Variants in FSIP1 observed in about 807,000 individuals in gnomAD.
FSIP1 encodes the protein fibrous sheath-interacting protein 1.
In FSIP1, 65 loss-of-function variants were observed where a neutral mutation model predicts 60.9. The observed-to-expected ratio is 1.07, with a 90% CI of 0.87 to 1.31. The LOEUF is 1.31. Ranked by LOEUF, FSIP1 falls within the 40% of genes most tolerant of loss-of-function variation. FSIP1 has a pLI of 0.00. For synonymous variants in FSIP1, 209 were observed against 221.2 expected, an observed-to-expected ratio of 0.94 and a Z score of 0.49; for missense variants, 675 against 665.5, an observed-to-expected ratio of 1.01 and a Z score of -0.16.
chr15:39,775,780 G>A (rs1039260306), intron 2 of FSIP1, among the ~76,000 whole-genome samples: 1 of 152,080 alleles, frequency 6.6e-6, no homozygotes, highest in African/African-American at 2.4e-5. Flanking sequence ...ATGATTCTAA[G>A]TTTCCTGATG....
At chr15:39,637,670 G>A (rs1037831392) in intron 10 of FSIP1, among the ~76,000 whole-genome samples, 1 of 152,150 alleles carries the variant, frequency 6.6e-6, no homozygotes. Flanking sequence ...AGCCAAGGTG[G>A]CTGTGATACT....
intron 5 of FSIP1, among the ~76,000 whole-genome samples, chr15:39,751,766 T>C (rs1248698978): frequency 6.6e-6 from 1 of 151,972 alleles, no homozygotes; most frequent in African/African-American, 2.4e-5. Context: ...TAATTGATAA[T>C]AGTGTATTAC....
intron 10 of FSIP1, among the ~76,000 whole-genome samples, chr15:39,634,697 A>C (rs2140409075): frequency 6.6e-6 from 1 of 152,356 alleles, no homozygotes; most frequent in Non-Finnish European, 1.5e-5. Context: ...ACTTCTCAGA[A>C]CAAAATAAAG....
intron 9 of FSIP1, among the ~76,000 whole-genome samples, chr15:39,726,046 C>G (rs751021571): frequency 5.9e-5 from 9 of 152,156 alleles, no homozygotes; most frequent in Non-Finnish European, 1.3e-4. Flanking sequence ...CCCACCTTGG[C>G]CTCCCAAAGT....
At chr15:39,640,584 G>A (rs564312638) in intron 10 of FSIP1, among the ~76,000 whole-genome samples, 2 of 152,174 alleles carry the variant, frequency 1.3e-5, no homozygotes, top group African/African-American at 4.8e-5. Flanking sequence ...GAGTTCTGGG[G>A]TACGTGATAA....
intron 10 of FSIP1, among the ~76,000 whole-genome samples, chr15:39,621,780 T>A (rs1339018371): frequency 1.3e-5 from 2 of 152,146 alleles, no homozygotes; most frequent in African/African-American, 4.8e-5. Context: ...AAAATATAAG[T>A]AAGAGCAAAT....
At chr15:39,646,780 T>C (rs1173033439) in intron 10 of FSIP1, among the ~76,000 whole-genome samples, 2 of 152,082 alleles carry the variant, frequency 1.3e-5, no homozygotes, top group African/African-American at 2.4e-5. Flanking sequence ...TCCTTGTTCA[T>C]TGCAGCATTA....
rs2140356379 is a variant in FSIP1, at chr15:39,600,121, G to A, written c.*759C>T. 6.6e-6 allele frequency: 1 copy of A among 152,256 alleles called. No individual in the cohort carries two copies. Among genetic ancestry groups the A allele is most frequent in the South Asian group, 2.1e-4 (1 of 4,824 alleles). The allele number at this position is 152,256 out of a possible 1,614,324, so 9.4% of individuals were successfully genotyped here. The stretch of plus-strand genomic sequence containing the variant: ...AATAAACTGGACTTCCAATTCTAAT[G>A]CCAACTCATCTTATGGAATGTCAAC... On this transcript the variant is annotated 3_prime_UTR_variant, in exon 12 of 12. Transcript: ENST00000350221.
At chr15:39,651,718 T>C (rs1892878806) in intron 10 of FSIP1, among the ~76,000 whole-genome samples, 2 of 152,378 alleles carry the variant, frequency 1.3e-5, no homozygotes, top group South Asian at 4.1e-4. Flanking sequence ...AAGAATTCTA[T>C]TAAACCTCTG....
intron 10 of FSIP1, among the ~76,000 whole-genome samples, chr15:39,633,493 ACTT>A (rs1891997364): frequency 6.6e-6 from 1 of 152,170 alleles, no homozygotes; most frequent in Non-Finnish European, 1.5e-5. Flanking sequence ...AAGCCAGGTG[ACTT>A]CTTCATGACT....
chr15:39,682,481 C>T (rs1894205279), intron 10 of FSIP1, among the ~76,000 whole-genome samples: 1 of 152,216 alleles, frequency 6.6e-6, no homozygotes, highest in East Asian at 1.9e-4. Context: ...AGTGCAGGCA[C>T]AGCCCACGGC....
chr15:39,749,263 C>CAAAAA lies in FSIP1; in HGVS notation c.560-7368_560-7364dup, dbSNP rs3065148. Among the ~76,000 whole-genome samples the CAAAAA allele has an allele frequency of 4.3e-3, 418 of 98,322 alleles. 26 individuals are homozygous for CAAAAA. The highest frequency in any genetic ancestry group is 0.019 in the African/African-American group (408 of 21,492). 64.5% of individuals were successfully genotyped at this position (98,322 alleles called of 152,430 possible). A position where few individuals can be genotyped will look rare whatever the true frequency, so the allele number is the denominator to read the frequency against. ...AATACCAATACTTCTTAAACTCTTC[C>CAAAAA]AAAAAAAAAAAAACCAGGCTAGAGG... On this transcript the variant is annotated intron_variant, in intron 5 of 11. Transcript: ENST00000350221.
In FSIP1 at chr15:39,764,385, T is replaced by C. The variant is rs185892290; in HGVS notation, c.466-471A>G. The stretch of plus-strand genomic sequence containing the variant: ...ATTTCTCCAGTTTAAAGCATTGCAT[T>C]TTGGATGTTTCTTTCTTTCCATCCC... On this transcript the variant is annotated intron_variant, in intron 4 of 11. Coordinates refer to ENST00000350221, the MANE Select transcript of FSIP1 (RefSeq NM_152597.5). 3.3e-5 allele frequency among the ~76,000 whole-genome samples: 5 copies of C among 152,324 alleles called. No individual in the cohort carries two copies. In the East Asian group the frequency reaches 9.6e-4, roughly 29 times the overall value.
chr15:39,649,300 A>G (rs1566868770), intron 10 of FSIP1, among the ~76,000 whole-genome samples: 2 of 152,336 alleles, frequency 1.3e-5, no homozygotes, highest in South Asian at 2.1e-4. Context: ...TGACAGAGTA[A>G]TTTATCCTAA....
In FSIP1 at chr15:39,704,789, A is replaced by G. The variant is rs568165330; in HGVS notation, c.1188+8655T>C. Among the ~76,000 whole-genome samples the G allele has an allele frequency of 6.0e-4, 92 of 152,336 alleles. 1 individual carries two copies. The highest frequency in any genetic ancestry group is 2.2e-3 in the African/African-American group (91 of 41,582). On this transcript the variant is annotated intron_variant, in intron 10 of 11. Transcript: ENST00000350221. Reference sequence around the variant, plus strand: ...TTCTGACTGGGGTTCATATATGCTTATATCAGGTTAAATGACAAGAGCATG... The same window carrying G: ...TTCTGACTGGGGTTCATATATGCTTGTATCAGGTTAAATGACAAGAGCATG...
intron 10 of FSIP1, among the ~76,000 whole-genome samples, chr15:39,634,037 T>TA (rs548903349): frequency 4.8e-4 from 73 of 152,254 alleles, no homozygotes; most frequent in Non-Finnish European, 8.4e-4. Context: ...CTCATGTCAC[T>TA]AAACGGACTC....
intron 3 of FSIP1, 44 bp from the exon 4 acceptor site, chr15:39,765,790 A>C: frequency 9.0e-7 from 1 of 1,116,264 alleles, no homozygotes. Context: ...GTATAGTAAA[A>C]CTATAAAGTT....
intron 5 of FSIP1, among the ~76,000 whole-genome samples, chr15:39,742,407 T>A (rs1407738632): frequency 6.6e-6 from 1 of 152,188 alleles, no homozygotes; most frequent in East Asian, 1.9e-4. Context: ...TCTTGGCACC[T>A]CCATAAAGAA....
At chr15:39,720,846 G>GA (rs1895933393) in intron 9 of FSIP1, among the ~76,000 whole-genome samples, 1 of 152,110 alleles carries the variant, frequency 6.6e-6, no homozygotes, top group South Asian at 2.1e-4. Flanking sequence ...CAGATCTTAA[G>GA]AAAAAATTGC....
Sources: allele counts gnomAD v4.1 joint callset (sites outside exome capture counted in the v4.1 genomes callset), GRCh38; gene constraint gnomAD v4.1.1; transcripts MANE v1.5; gene names NCBI Gene and HGNC (gene_info 2026-07-23, HGNC 2026-07-21).